Variants in NAV3 observed in about 807,000 individuals in gnomAD.
NAV3 encodes neuron navigator 3.
In NAV3, 87 loss-of-function variants were observed where a neutral mutation model predicts 244.7. That is an observed-to-expected ratio of 0.36 (90% CI 0.30 to 0.42). The LOEUF (loss-of-function observed/expected upper bound fraction) is 0.42. NAV3 is among the 20% of genes least tolerant of loss of function. The pLI, the probability that NAV3 is intolerant of heterozygous loss-of-function variation, is 1.00. For synonymous variants in NAV3, 1,126 were observed against 1,042.2 expected, an observed-to-expected ratio of 1.08 and a Z score of -1.55; for missense variants, 2,663 against 2,893.3, an observed-to-expected ratio of 0.92 and a Z score of 1.83.
chr12:78,200,838 C>T (rs892208938), intron 38 of NAV3, among the ~76,000 whole-genome samples: 1 of 151,900 alleles, frequency 6.6e-6, no homozygotes, highest in Non-Finnish European at 1.5e-5. Flanking sequence ...AAATGGTTGT[C>T]ATGGATGTTT....
chr12:77,956,767 A>T (rs925740387), intron 3 of NAV3, among the ~76,000 whole-genome samples: 5 of 148,360 alleles, frequency 3.4e-5, no homozygotes, highest in African/African-American at 1.3e-4. Flanking sequence ...TTTGAGACAG[A>T]GTCTCACTCT....
chr12:77,795,887 C>T (rs1871384514), intron 2 of NAV3, among the ~76,000 whole-genome samples: 1 of 152,130 alleles, frequency 6.6e-6, no homozygotes, highest in Non-Finnish European at 1.5e-5. Context: ...TTTAAGCCTA[C>T]TTTGGGGACC....
In NAV3 at chr12:78,034,636, G is replaced by A. The variant is rs570132389; in HGVS notation, c.2023+12774G>A. 2.6e-5 allele frequency among the ~76,000 whole-genome samples: 4 copies of A among 152,280 alleles called. No individual in the cohort carries two copies. In the South Asian group the frequency reaches 8.3e-4, roughly 32 times the overall value. The stretch of plus-strand genomic sequence containing the variant: ...TTAGAATTGCATTTTTTGTGAATCT[G>A]TAAGGCTTTAGGGTATATTAGCATA... On this transcript the variant is annotated intron_variant, in intron 9 of 39. Coordinates refer to ENST00000397909, the MANE Select transcript of NAV3 (RefSeq NM_001024383.2).
At chr12:77,870,065 T>G (rs926941311) in intron 1 of NAV3, among the ~76,000 whole-genome samples, 8 of 152,080 alleles carry the variant, frequency 5.3e-5, no homozygotes, top group African/African-American at 1.7e-4. Context: ...GCAAAAGTAG[T>G]TGTATAAAAG....
At chr12:77,905,883 C>G (rs1565908481) in intron 1 of NAV3, among the ~76,000 whole-genome samples, 1 of 152,160 alleles carries the variant, frequency 6.6e-6, no homozygotes, top group Non-Finnish European at 1.5e-5. Context: ...TTGCTGTTAA[C>G]TACTGGACAT....
chr12:77,649,731 C>T (rs1038473184), intron 2 of NAV3, among the ~76,000 whole-genome samples: 1 of 152,038 alleles, frequency 6.6e-6, no homozygotes, highest in African/African-American at 2.4e-5. Flanking sequence ...ATCATTTTGC[C>T]TGTATCACTT....
intron 1 of NAV3, among the ~76,000 whole-genome samples, chr12:77,903,115 A>C (rs1885515507): frequency 6.6e-6 from 1 of 152,278 alleles, no homozygotes; most frequent in South Asian, 2.1e-4. Flanking sequence ...GCTACCAATG[A>C]CTTTCTTCAC....
At chr12:77,601,284 G>A (rs1870417962) in intron 2 of NAV3, among the ~76,000 whole-genome samples, 1 of 151,966 alleles carries the variant, frequency 6.6e-6, no homozygotes, top group Non-Finnish European at 1.5e-5. Context: ...ACTAAGTACT[G>A]TGGTTTCAAA....
At chr12:77,643,371 A>G (rs773224981) in intron 2 of NAV3, among the ~76,000 whole-genome samples, 22 of 151,786 alleles carry the variant, frequency 1.4e-4, no homozygotes, top group Admixed American at 5.3e-4. Context: ...CAATTTTTCA[A>G]TGTGGAGCAG....
chr12:77,738,436 A>G (rs1313675287), intron 2 of NAV3, among the ~76,000 whole-genome samples: 1 of 152,200 alleles, frequency 6.6e-6, no homozygotes, highest in African/African-American at 2.4e-5. Flanking sequence ...TGCTCAATAA[A>G]TATTTGTTAT....
intron 1 of NAV3, among the ~76,000 whole-genome samples, chr12:77,861,553 A>G (rs543883070): frequency 1.0e-3 from 156 of 152,012 alleles, no homozygotes; most frequent in Non-Finnish European, 2.1e-3. Context: ...ACAGTTAAAT[A>G]ACAAATGAAA....
intron 9 of NAV3, among the ~76,000 whole-genome samples, chr12:78,029,331 G>C (rs1160295420): frequency 6.6e-6 from 1 of 152,126 alleles, no homozygotes; most frequent in African/African-American, 2.4e-5. Context: ...AGGTGACTGT[G>C]ATAATAGCAA....
intron 5 of NAV3, among the ~76,000 whole-genome samples, chr12:77,992,656 T>A (rs1188213530): frequency 2.0e-5 from 3 of 152,200 alleles, no homozygotes; most frequent in Admixed American, 6.5e-5. Context: ...TTAGTTTAAA[T>A]CTTAGTAGCA....
chr12:77,889,018 C>A (rs1883630005), intron 1 of NAV3, among the ~76,000 whole-genome samples: 1 of 152,126 alleles, frequency 6.6e-6, no homozygotes, highest in Admixed American at 6.5e-5. Flanking sequence ...CTGCTGGGCC[C>A]AGCATGATGG....
At chr12:77,945,778 CGCT>C (rs529345324) in intron 3 of NAV3, among the ~76,000 whole-genome samples, 79 of 151,974 alleles carry the variant, frequency 5.2e-4, no homozygotes, top group Admixed American at 4.6e-3. Context: ...GACGAAGTCT[CGCT>C]GTGTCGCCCA....
chr12:77,863,346 C>T (rs1022592878), intron 1 of NAV3, among the ~76,000 whole-genome samples: 1 of 151,668 alleles, frequency 6.6e-6, no homozygotes, highest in African/African-American at 2.4e-5. Context: ...AGATGTTAGG[C>T]GAATATTTTC....
rs748531378 is a variant in NAV3, at chr12:77,766,735, GT to G, written c.73-173548del. Among the ~76,000 whole-genome samples the G allele has an allele frequency of 1.3e-3, 76 of 60,492 alleles. 5 individuals are homozygous for G. The highest frequency in any genetic ancestry group is 2.3e-3 in the African/African-American group (37 of 15,816). 39.7% of individuals were successfully genotyped at this position (60,492 alleles called of 152,430 possible). A position where few individuals can be genotyped will look rare whatever the true frequency, so the allele number is the denominator to read the frequency against. ...AGGATTCTAAAAAACAGGCAATTAAGTTTTTTTTTTTTTTTTTTTTTTTTTT... is the reference window on the plus strand; with the variant it reads ...AGGATTCTAAAAAACAGGCAATTAAGTTTTTTTTTTTTTTTTTTTTTTTTT... On this transcript the variant is annotated intron_variant, in intron 2 of 8. Coordinates refer to the NAV3 transcript ENST00000550042.
chr12:77,764,053 T>G (rs1869623412), intron 2 of NAV3, among the ~76,000 whole-genome samples: 1 of 152,218 alleles, frequency 6.6e-6, no homozygotes, highest in Non-Finnish European at 1.5e-5. Flanking sequence ...GGAAACAGTT[T>G]TCTTCTCTGC....
chr12:77,733,528 G>A (rs1412994100), intron 2 of NAV3, among the ~76,000 whole-genome samples: 1 of 151,992 alleles, frequency 6.6e-6, no homozygotes, highest in Non-Finnish European at 1.5e-5. Flanking sequence ...GGAAATGGTT[G>A]CAACCATCTC....
Sources: gnomAD v4.1 joint callset for allele counts (sites outside exome capture counted in the v4.1 genomes callset) on GRCh38, gnomAD v4.1.1 for gene constraint, MANE v1.5 for transcripts, NCBI Gene and HGNC (gene_info 2026-07-23, HGNC 2026-07-21) for gene names.